The following AOC1 variants were observed in gnomAD, a reference collection of about 807,000 sequenced individuals.
The protein encoded by AOC1 is diamine oxidase [copper-containing].
In AOC1, 58 loss-of-function variants were observed where a neutral mutation model predicts 57.1. That is an observed-to-expected ratio of 1.02 (90% CI 0.82 to 1.26). The LOEUF (loss-of-function observed/expected upper bound fraction) is 1.26. AOC1 is among the 50% of genes most tolerant of loss of function. The pLI is 0.00. For synonymous variants in AOC1, 401 were observed against 423.4 expected (o/e 0.95, Z 0.65); for missense variants, 917 against 1,005.3 (o/e 0.91, Z 1.19).
chr7:150,857,012 G>A lies in AOC1; in HGVS notation c.542G>A (p.Cys181Tyr), dbSNP rs1337773931. Residue 181 changes from cysteine to tyrosine, a missense_variant, in exon 2 of 5, where the codon TGC (cysteine) becomes TAC (tyrosine). Transcript: ENST00000360937. This position sits in a 1 kb window ranked among gnomAD's most constrained non-coding sequence, Gnocchi z 6.6. ...TCATTCCAAGACTGCCATGACAGAT[G>A]CCTGGCCTTCACCGATGTGGCCCCC... ...GFSFQDCHDR[C>Y]LAFTDVAPRG... 11 of 1,614,056 alleles carry A rather than the reference G, an allele frequency of 6.8e-6. No individual in the cohort carries two copies. The highest frequency in any genetic ancestry group is 9.3e-6 in the Non-Finnish European group (11 of 1,180,018).
chr7:150,856,759 G>C lies in AOC1; in HGVS notation c.289G>C (p.Ala97Pro), dbSNP rs1160492800. Residue 97 changes from alanine (A) to proline (P), a missense_variant, in exon 2 of 5, where the codon GCC becomes CCC. Ala to Pro is a conservative substitution (Grantham distance 27, BLOSUM62 -1). Transcript: ENST00000360937. The surrounding 1 kb of genome is among the most constrained non-coding windows in gnomAD (Gnocchi z 5.2). ...AGGTGAAAGGCATCCTGTGCGGGAAGCCCGTGCCGTCATCTTCTTTGGTGA... is the reference window on the plus strand; with the variant it reads ...AGGTGAAAGGCATCCTGTGCGGGAACCCCGTGCCGTCATCTTCTTTGGTGA... ...DKGERHPVRE[A>P]RAVIFFGDQE... is the part of the protein sequence containing the mutation. 1 of 1,614,184 alleles carries C rather than the reference G, an allele frequency of 6.2e-7. No homozygotes were observed.
chr7:150,853,173 A>T (rs1799669019), intron 1 of AOC1, among the ~76,000 whole-genome samples: 1 of 152,228 alleles, frequency 6.6e-6, no homozygotes, highest in African/African-American at 2.4e-5. Flanking sequence ...ATTCTGTGTG[A>T]TATTCTAATG....
intron 1 of AOC1, among the ~76,000 whole-genome samples, chr7:150,854,352 C>G (rs1286728981): frequency 1.3e-5 from 2 of 152,190 alleles, no homozygotes; most frequent in Non-Finnish European, 2.9e-5. Context: ...CTCAGATCAG[C>G]CTTTACCGTG....
At chr7:150,859,282 G>A (rs13235484) in intron 3 of AOC1, among the ~76,000 whole-genome samples, 3 of 152,182 alleles carry the variant, frequency 2.0e-5, no homozygotes, top group Admixed American at 1.3e-4. Context: ...ACGTAACTAC[G>A]AATAGCCTAC....
chr7:150,857,626 G>GC lies in AOC1; in HGVS notation c.1161dup (p.Gly388ArgfsTer18). ...CCTGGGCAGCGTCACTCATGAGTTAGCCCCCGGCATCGACTGCCCGGAGAC... is the reference window on the plus strand; with the variant it reads ...CCTGGGCAGCGTCACTCATGAGTTAGCCCCCCGGCATCGACTGCCCGGAGAC... On this transcript the variant is annotated frameshift_variant, in exon 2 of 5. Transcript: ENST00000360937. LOFTEE classifies it high-confidence loss of function. This position sits in a 1 kb window ranked among gnomAD's most constrained non-coding sequence, Gnocchi z 6.6. 1.2e-6 allele frequency: 2 copies of GC among 1,614,042 alleles called. No individual in the cohort carries two copies. Among genetic ancestry groups the GC allele is most frequent in the Non-Finnish European group, 1.7e-6 (2 of 1,180,008 alleles).
At position 150,857,059 on chromosome 7, in the gene AOC1, CG is replaced by C; in HGVS notation, c.590del (p.Arg197ProfsTer11). 6.2e-7 allele frequency: 1 copy of C among 1,614,084 alleles called. No homozygotes were observed. On this transcript the variant is annotated frameshift_variant, in exon 2 of 5. Transcript: ENST00000360937. LOFTEE classifies it high-confidence loss of function. The surrounding 1 kb of genome is among the most constrained non-coding windows in gnomAD (Gnocchi z 6.6). ...VAPRGVASGQ[R>X]RSWLIIQRYV... ...CCCCCGGGGTGTGGCTTCTGGCCAG[CG>C]CCGCAGTTGGCTTATCATACAGCGC...
In AOC1 at chr7:150,857,575, A is replaced by T; in HGVS notation, c.1105A>T (p.Thr369Ser). Residue 369 changes from threonine to serine, a missense_variant, in exon 2 of 5, where the codon ACC (threonine) becomes TCC (serine). By Grantham distance (58) the Thr-to-Ser change is moderately conservative. Transcript: ENST00000360937. The surrounding 1 kb of genome is among the most constrained non-coding windows in gnomAD (Gnocchi z 6.6). ...AGGACACACACCTGCAGGCATGCAG[A>T]CCAAGTACCTCGATGTCGGCTGGGG... is the stretch of plus-strand genomic sequence containing the variant. ...YGGHTPAGMQTKYLDVGWGLG... is the reference protein window; with the variant it reads ...YGGHTPAGMQSKYLDVGWGLG... 6.2e-7 allele frequency: 1 copy of T among 1,614,030 alleles called. No homozygotes were observed. The highest frequency in any genetic ancestry group is 8.5e-7 in the Non-Finnish European group (1 of 1,179,996).
At position 150,852,572 on chromosome 7, in the gene AOC1, G is replaced by T; in HGVS notation, c.-17+14G>T. 1 of 153,170 alleles carries T rather than the reference G, an allele frequency of 6.5e-6. No homozygotes were observed. The allele number at this position is 153,170 out of a possible 1,614,324, so 9.5% of individuals were successfully genotyped here. On this transcript the variant is annotated intron_variant, in intron 1 of 4. Transcript: ENST00000360937. This position sits in a 1 kb window ranked among gnomAD's most constrained non-coding sequence, Gnocchi z 4.6. ...CAGAGCACACAGGTGCGTTCTGATGGGTATTCGGGAGAGTCAAGAAGGGGC... is the reference window on the plus strand; with the variant it reads ...CAGAGCACACAGGTGCGTTCTGATGTGTATTCGGGAGAGTCAAGAAGGGGC...
chr7:150,856,701 C>T lies in AOC1; in HGVS notation c.231C>T (p.Pro77=). 1 of 1,614,150 alleles carries T rather than the reference C, an allele frequency of 6.2e-7. No homozygotes were observed. The highest frequency in any genetic ancestry group is 8.5e-7 in the Non-Finnish European group (1 of 1,179,984). The change falls in exon 2 of 5, where the codon CCC becomes CCT. Residue 77 remains proline, a synonymous_variant. Transcript: ENST00000360937. The surrounding 1 kb of genome is among the most constrained non-coding windows in gnomAD (Gnocchi z 5.2). The part of the protein sequence containing the change: ...NTVFLIEMLL[P]KKYHVLRFLD... The stretch of plus-strand genomic sequence containing the variant: ...TGTTTCTCATCGAGATGCTGCTGCC[C>T]AAGAAGTACCATGTGCTGAGGTTTC...
Position 150,856,242 on chromosome 7 carries a change from G to A in AOC1, c.-16-213G>A, listed in dbSNP as rs1799770475. 6.6e-6 allele frequency among the ~76,000 whole-genome samples: 1 copy of A among 152,162 alleles called. No individual in the cohort carries two copies. On this transcript the variant is annotated intron_variant, in intron 1 of 4. Transcript: ENST00000360937. The surrounding 1 kb of genome is among the most constrained non-coding windows in gnomAD (Gnocchi z 5.2). Reference sequence around the variant, plus strand: ...TGAAGGACATTTACAGAGGAGTGAGGAGAGGGCAGAAATAAATGGATGGAT... The same window carrying A: ...TGAAGGACATTTACAGAGGAGTGAGAAGAGGGCAGAAATAAATGGATGGAT...
In AOC1 at chr7:150,857,241, G is replaced by A. The variant is rs1799808508; in HGVS notation, c.771G>A (p.Glu257=). ...TGGCTCGGAAGTATGCAGATGGAGA[G>A]GTGGACGTGGTGGTCCTGGAGGACC... ...EELARKYADG[E]VDVVVLEDPL... is the part of the protein sequence containing the mutation. The change falls in exon 2 of 5, where the codon GAG becomes GAA. Residue 257 remains glutamate (E), a synonymous_variant. Coordinates refer to ENST00000360937, the MANE Select transcript of AOC1 (RefSeq NM_001091.4). The surrounding 1 kb of genome is among the most constrained non-coding windows in gnomAD (Gnocchi z 6.6). 1 of 1,611,706 alleles carries A rather than the reference G, an allele frequency of 6.2e-7. No individual in the cohort carries two copies. Among genetic ancestry groups the A allele is most frequent in the Admixed American group, 1.7e-5 (1 of 59,844 alleles).
In AOC1 at chr7:150,858,990, A is replaced by G. The variant is rs764738237; in HGVS notation, c.1798A>G (p.Met600Val). The G allele has an allele frequency of 2.5e-6, 4 of 1,598,040 alleles. No homozygotes were observed. The highest frequency in any genetic ancestry group is 2.3e-5 in the East Asian group (1 of 44,442). Residue 600 changes from methionine to valine, a missense_variant, in exon 3 of 5, where the codon ATG becomes GTG. By Grantham distance (21) the Met-to-Val change is conservative. Transcript: ENST00000360937. ...CACGTACCGCCTGCAGATCCACTCC[A>G]TGGCCGACCAGGTGCTGCCCCCAGG... ...KRTYRLQIHS[M>V]ADQVLPPGWQ...
At chr7:150,854,362 G>A (rs1799711936) in intron 1 of AOC1, among the ~76,000 whole-genome samples, 1 of 152,150 alleles carries the variant, frequency 6.6e-6, no homozygotes, top group South Asian at 2.1e-4. Flanking sequence ...CCTTTACCGT[G>A]GCCTCCAGGG....
Position 150,859,364 on chromosome 7 carries a change from T to C in AOC1, c.1856+316T>C, listed in dbSNP as rs148930047. Among the ~76,000 whole-genome samples the C allele has an allele frequency of 5.2e-4, 79 of 152,234 alleles. 1 individual carries two copies. The highest frequency in any genetic ancestry group is 9.9e-4 in the Non-Finnish European group (67 of 67,982). On this transcript the variant is annotated intron_variant, in intron 3 of 4. Coordinates refer to ENST00000360937, the MANE Select transcript of AOC1 (RefSeq NM_001091.4). Reference sequence around the variant, plus strand: ...TATTTTGTAGGTTCTGTGTGTCAGATACTGTGTTCTTACAATAAAGTAAGC... The same window carrying C: ...TATTTTGTAGGTTCTGTGTGTCAGACACTGTGTTCTTACAATAAAGTAAGC...
chr7:150,856,402 AGCCCATCTCT>A lies in AOC1; in HGVS notation c.-16-46_-16-37del. The A allele has an allele frequency of 6.6e-7, 1 of 1,526,538 alleles. No individual in the cohort carries two copies. The highest frequency in any genetic ancestry group is 8.8e-7 in the Non-Finnish European group (1 of 1,142,740). The allele number at this position is 1,526,538 out of a possible 1,614,324, so 94.6% of individuals were successfully genotyped here. ...AATTCCATGGCCCTAACCTGAGGGAAGCCCATCTCTGCCCATAAGACAACTAAGTTCATCT... is the reference window on the plus strand; with the variant it reads ...AATTCCATGGCCCTAACCTGAGGGAAGCCCATAAGACAACTAAGTTCATCT... On this transcript the variant is annotated intron_variant, in intron 1 of 4. Coordinates refer to ENST00000360937, the MANE Select transcript of AOC1 (RefSeq NM_001091.4). This position sits in a 1 kb window ranked among gnomAD's most constrained non-coding sequence, Gnocchi z 5.2.
intron 3 of AOC1, among the ~76,000 whole-genome samples, chr7:150,859,626 C>T (rs1208240961): frequency 6.8e-6 from 1 of 146,878 alleles, no homozygotes; most frequent in African/African-American, 2.5e-5. Context: ...TGGCGTGAAC[C>T]CGGGAGGCGG....
chr7:150,860,616 G>C lies in AOC1; in HGVS notation c.1972G>C (p.Glu658Gln), dbSNP rs150589026. 5.6e-6 allele frequency: 9 copies of C among 1,613,794 alleles called. No individual in the cohort carries two copies. ...VVFEQFLHNN[E>Q]NIENEDLVAW... ...CTTTGAGCAGTTTCTTCACAACAAC[G>C]AGAACATTGAAAATGAGGTACTGCC... The change falls in exon 4 of 5, where the codon GAG becomes CAG. Residue 658 changes from glutamate (E) to glutamine (Q), a missense_variant. By Grantham distance (29) the Glu-to-Gln change is conservative. Transcript: ENST00000360937.
chr7:150,853,691 ATATATATT>A (rs1167815309), intron 1 of AOC1, among the ~76,000 whole-genome samples: 11 of 24,516 alleles, frequency 4.5e-4, no homozygotes, highest in East Asian at 1.9e-3. Flanking sequence ...ATATATATAT[ATATATATT>A]TATTTATTTA....
At position 150,857,645 on chromosome 7, in the gene AOC1, C is replaced by T. The variant is rs779732006; in HGVS notation, c.1175C>T (p.Pro392Leu). The T allele has an allele frequency of 5.0e-6, 8 of 1,613,966 alleles. No homozygotes were observed. The highest frequency in any genetic ancestry group is 4.5e-5 in the East Asian group (2 of 44,892). ...GAGTTAGCCCCCGGCATCGACTGCCCGGAGACCGCCACCTTCCTGGACACT... is the reference window on the plus strand; with the variant it reads ...GAGTTAGCCCCCGGCATCGACTGCCTGGAGACCGCCACCTTCCTGGACACT... ...THELAPGIDCPETATFLDTFH... is the reference protein window; with the variant it reads ...THELAPGIDCLETATFLDTFH... Residue 392 changes from proline to leucine, a missense_variant, in exon 2 of 5, where the codon CCG becomes CTG. Physicochemically the swap from Pro to Leu is moderately conservative, Grantham distance 98. Transcript: ENST00000360937. This position sits in a 1 kb window ranked among gnomAD's most constrained non-coding sequence, Gnocchi z 6.6.
Sources: allele counts gnomAD v4.1 joint callset (sites outside exome capture counted in the v4.1 genomes callset), GRCh38; gene constraint gnomAD v4.1.1; non-coding constraint Gnocchi (gnomAD v3.1); transcripts MANE v1.5; gene names NCBI Gene and HGNC (gene_info 2026-07-23, HGNC 2026-07-21).